The following PALM2AKAP2 variants were observed in gnomAD, a reference collection of about 807,000 sequenced individuals.
The protein encoded by PALM2AKAP2 is PALM2-AKAP2 fusion protein.
Under a neutral mutation model 71.5 loss-of-function variants are expected in PALM2AKAP2, and 37 were observed. The ratio of observed to expected loss-of-function variants is 0.52; its 90% CI spans 0.40 to 0.68. PALM2AKAP2 has a LOEUF of 0.68. Among genes scored for constraint, PALM2AKAP2 ranks in the 30% least tolerant of loss-of-function variants. PALM2AKAP2 has a pLI of 0.00. For synonymous variants in PALM2AKAP2, 468 were observed against 478.8 expected (o/e 0.98, Z 0.29); for missense variants, 1,224 against 1,191.8 (o/e 1.03, Z -0.40).
chr9:109,869,963 C>T (rs1829562458), intron 2 of PALM2AKAP2, among the ~76,000 whole-genome samples: 1 of 152,052 alleles, frequency 6.6e-6, no homozygotes, highest in Non-Finnish European at 1.5e-5. Context: ...CTTGTGTGGA[C>T]AGAATGAGGG....
At chr9:109,977,592 A>G (rs569361769) in intron 6 of PALM2AKAP2, among the ~76,000 whole-genome samples, 13 of 152,344 alleles carry the variant, frequency 8.5e-5, no homozygotes, top group African/African-American at 3.1e-4. Flanking sequence ...AATTGGTTTC[A>G]TGTATTAGTC....
intron 1 of PALM2AKAP2, among the ~76,000 whole-genome samples, chr9:110,077,615 A>G (rs961996514): frequency 4.6e-5 from 7 of 152,326 alleles, no homozygotes; most frequent in East Asian, 3.9e-4. Context: ...TGGAAGTCCA[A>G]TGCTGTTTGG....
intron 6 of PALM2AKAP2, among the ~76,000 whole-genome samples, chr9:109,980,171 C>T (rs1490275186): frequency 2.0e-5 from 3 of 152,174 alleles, no homozygotes; most frequent in Non-Finnish European, 2.9e-5. Flanking sequence ...TTGCAAACAA[C>T]AGATGCTTCC....
intron 1 of PALM2AKAP2, among the ~76,000 whole-genome samples, chr9:109,734,503 G>C (rs561930544): frequency 1.3e-5 from 2 of 152,138 alleles, no homozygotes; most frequent in Non-Finnish European, 2.9e-5. Context: ...CATGTGTCTA[G>C]TGTCTACCAC....
intron 1 of PALM2AKAP2, among the ~76,000 whole-genome samples, chr9:110,088,880 C>A (rs1246322015): frequency 6.6e-6 from 1 of 151,850 alleles, no homozygotes; most frequent in Non-Finnish European, 1.5e-5. Context: ...CCACCACGCC[C>A]AGCTAATTTT....
At chr9:109,920,757 C>T (rs1830810463) in intron 3 of PALM2AKAP2, among the ~76,000 whole-genome samples, 1 of 151,974 alleles carries the variant, frequency 6.6e-6, no homozygotes, top group Non-Finnish European at 1.5e-5. Flanking sequence ...CAAATCTGCT[C>T]AGGCCAGGTG....
intron 1 of PALM2AKAP2, among the ~76,000 whole-genome samples, chr9:109,740,777 C>T (rs1025373126): frequency 1.6e-4 from 24 of 151,484 alleles, no homozygotes; most frequent in African/African-American, 5.6e-4. Context: ...CCTCAGCCTC[C>T]TGAGTAGCTG....
At chr9:110,164,854 G>A (rs181997609) in intron 3 of PALM2AKAP2, among the ~76,000 whole-genome samples, 71 of 152,186 alleles carry the variant, frequency 4.7e-4, no homozygotes, top group African/African-American at 1.7e-3. Context: ...AAATCAGATC[G>A]TTTTTTGTTT....
At chr9:109,903,292 A>G (rs77738661) in intron 3 of PALM2AKAP2, among the ~76,000 whole-genome samples, 1,506 of 149,402 alleles carry the variant, frequency 0.01, 31 homozygotes, top group African/African-American at 0.035. Context: ...GGCAGGGAGG[A>G]TATGCGTACC....
At chr9:109,778,714 T>C (rs1829383538), upstream of PALM2AKAP2, among the ~76,000 whole-genome samples, 1 of 152,054 alleles carries the variant, frequency 6.6e-6, no homozygotes, top group Admixed American at 6.5e-5. Flanking sequence ...GGCAATTTAG[T>C]TGAAATGGAA....
At chr9:110,011,238 T>G (rs1235367470) in intron 6 of PALM2AKAP2, among the ~76,000 whole-genome samples, 1 of 148,432 alleles carries the variant, frequency 6.7e-6, no homozygotes, top group African/African-American at 2.5e-5. Context: ...ATTTCTATTA[T>G]ATATATATAT....
chr9:109,843,823 A>G (rs1043363552), intron 1 of PALM2AKAP2, among the ~76,000 whole-genome samples: 3 of 152,170 alleles, frequency 2.0e-5, no homozygotes, highest in African/African-American at 7.2e-5. Flanking sequence ...AGACATTTGT[A>G]GGAGCCCGGA....
intron 1 of PALM2AKAP2, among the ~76,000 whole-genome samples, chr9:109,822,368 C>CT (rs893185949): frequency 6.6e-6 from 1 of 151,986 alleles, no homozygotes; most frequent in Non-Finnish European, 1.5e-5. Context: ...TTTCTTCCTC[C>CT]TTTTTTCTTC....
In PALM2AKAP2 at chr9:110,132,353, C is replaced by T. The variant is rs565565871; in HGVS notation, c.157-3774C>T. 4.0e-5 allele frequency among the ~76,000 whole-genome samples: 6 copies of T among 151,538 alleles called. No homozygotes were observed. The East Asian group carries it at 5.8e-4, about 15-fold the overall frequency. On this transcript the variant is annotated intron_variant, in intron 1 of 3. Coordinates refer to ENST00000374525, the Ensembl canonical transcript of PALM2AKAP2. ...GGGATTACAGGGGTGAGCCACCGTG[C>T]GGGCTTCTTTTTTTTTTTTCTTTTT...
At chr9:110,091,532 C>G (rs564510566) in intron 1 of PALM2AKAP2, among the ~76,000 whole-genome samples, 3 of 142,716 alleles carry the variant, frequency 2.1e-5, no homozygotes, top group South Asian at 2.2e-4. Context: ...GCACGATCTC[C>G]GCTCACTGCA....
At chr9:110,064,361 C>T (rs114826092) in intron 1 of PALM2AKAP2, among the ~76,000 whole-genome samples, 1 of 152,298 alleles carries the variant, frequency 6.6e-6, no homozygotes, top group Non-Finnish European at 1.5e-5. Flanking sequence ...GGAAGTGCCT[C>T]TCCTGTCCGA....
chr9:109,719,176 T>TAAAACAA (rs1294024861), intron 1 of PALM2AKAP2, among the ~76,000 whole-genome samples: 13 of 152,212 alleles, frequency 8.5e-5, no homozygotes, highest in Admixed American at 6.5e-5. Context: ...ACTCTGTTAG[T>TAAAACAA]TAGCATGAAA....
rs73657303 is a variant in PALM2AKAP2 at position 109,902,889 on chromosome 9, C to T, written c.258-20846C>T. On this transcript the variant is annotated intron_variant, in intron 3 of 9. Transcript: ENST00000302798. ...AACATGAAGGAGCAAGTGTGCATGC[C>T]CATAAGTGCCGGTCCCTACTCAGTT... 3.9e-3 allele frequency among the ~76,000 whole-genome samples: 601 copies of T among 152,226 alleles called. 4 individuals are homozygous for T. The highest frequency in any genetic ancestry group is 0.012 in the African/African-American group (486 of 41,532).
intron 3 of PALM2AKAP2, among the ~76,000 whole-genome samples, chr9:109,885,488 G>T (rs1048806181): frequency 2.6e-5 from 4 of 152,148 alleles, no homozygotes; most frequent in Admixed American, 2.0e-4. Flanking sequence ...CTGTTGTATG[G>T]TCAGGTTCAA....
Sources: gnomAD v4.1 joint callset for allele counts (sites outside exome capture counted in the v4.1 genomes callset) on GRCh38, gnomAD v4.1.1 for gene constraint, MANE v1.5 for transcripts, NCBI Gene and HGNC (gene_info 2026-07-23, HGNC 2026-07-21) for gene names.